Variants in SGCD observed in about 807,000 individuals in gnomAD.
SGCD encodes delta-sarcoglycan.
SGCD carries 18 observed loss-of-function variants against 36.6 expected under a neutral mutation model. The observed-to-expected ratio is 0.49, with a 90% CI of 0.34 to 0.73. SGCD has a LOEUF of 0.73. Ranked by LOEUF, SGCD falls within the 30% of genes least tolerant of loss-of-function variation. The pLI, the probability that SGCD is intolerant of heterozygous loss-of-function variation, is 0.01. For synonymous variants in SGCD, 133 were observed against 130.6 expected, an observed-to-expected ratio of 1.02 and a Z score of -0.12; for missense variants, 387 against 346.7, an observed-to-expected ratio of 1.12 and a Z score of -0.92.
rs908200890 is a variant in SGCD at position 156,116,364 on chromosome 5, G to A, written c.-281-1514G>A. ...TTTCTCTTATTATATATGTGGCCAA[G>A]CTCACAGACTATGCACTTATTTTTC... On this transcript the variant is annotated intron_variant, in intron 1 of 9. Transcript: ENST00000517913. Among the ~76,000 whole-genome samples the A allele has an allele frequency of 2.0e-5, 3 of 152,074 alleles. No individual in the cohort carries two copies. In the East Asian group the frequency reaches 5.8e-4, roughly 29 times the overall value.
intron 3 of SGCD, among the ~76,000 whole-genome samples, chr5:156,494,552 G>A (rs1449294677): frequency 6.6e-6 from 1 of 152,002 alleles, no homozygotes; most frequent in Non-Finnish European, 1.5e-5. Flanking sequence ...TTATTCTGAG[G>A]CATGAATTCA....
intron 4 of SGCD, among the ~76,000 whole-genome samples, chr5:156,520,620 G>A (rs1331296369): frequency 3.9e-5 from 6 of 152,022 alleles, no homozygotes; most frequent in South Asian, 2.1e-4. Context: ...GGCATCGTGC[G>A]ACCCAACTTC....
At chr5:155,931,550 C>T (rs1231517814) in intron 1 of SGCD, among the ~76,000 whole-genome samples, 4 of 151,898 alleles carry the variant, frequency 2.6e-5, no homozygotes, top group Admixed American at 6.6e-5. Flanking sequence ...TTTTTAAGTG[C>T]TTGGGGGCTA....
At chr5:156,538,400 T>G (rs1034836692) in intron 4 of SGCD, among the ~76,000 whole-genome samples, 4 of 152,098 alleles carry the variant, frequency 2.6e-5, no homozygotes, top group Non-Finnish European at 5.9e-5. Flanking sequence ...AGAATGATTT[T>G]TTTTCTCTCC....
chr5:155,780,887 A>C, the SGCD span, among the ~76,000 whole-genome samples: 1 of 152,282 alleles, frequency 6.6e-6, no homozygotes, highest in Middle Eastern at 3.4e-3. Context: ...GACATTATCA[A>C]AATGTCTCTC....
intron 3 of SGCD, among the ~76,000 whole-genome samples, chr5:156,165,096 G>T (rs1325687957): frequency 6.6e-6 from 1 of 152,204 alleles, no homozygotes; most frequent in Non-Finnish European, 1.5e-5. Flanking sequence ...CCTCACCAGG[G>T]AATATCTGCT....
intron 2 of SGCD, among the ~76,000 whole-genome samples, 167 bp downstream of exon 2, chr5:156,329,746 G>A (rs1471476874): frequency 6.6e-6 from 1 of 151,980 alleles, no homozygotes; most frequent in East Asian, 1.9e-4. Context: ...GGCCAGGCAC[G>A]GTGGCTCACG....
intron 4 of SGCD, among the ~76,000 whole-genome samples, chr5:156,545,031 C>A (rs2113167209): frequency 6.6e-6 from 1 of 152,250 alleles, no homozygotes; most frequent in East Asian, 1.9e-4. Context: ...ATGTCAGTTT[C>A]TTTGACTGTT....
At chr5:156,419,994 G>T (rs1561683300) in intron 3 of SGCD, among the ~76,000 whole-genome samples, 1 of 152,052 alleles carries the variant, frequency 6.6e-6, no homozygotes. Context: ...CTTGTGACAT[G>T]GCTCTGCCCC....
chr5:156,612,585 C>A (rs1426052075), intron 6 of SGCD, among the ~76,000 whole-genome samples: 1 of 152,244 alleles, frequency 6.6e-6, no homozygotes, highest in Admixed American at 6.5e-5. Context: ...CTATGCAGGT[C>A]TGCCTGTATG....
At chr5:156,230,315 C>A (rs1341238323) in intron 3 of SGCD, among the ~76,000 whole-genome samples, 1 of 152,148 alleles carries the variant, frequency 6.6e-6, no homozygotes, top group Admixed American at 6.5e-5. Flanking sequence ...TAGGCTCTGT[C>A]AGAGGAAAGG....
rs1431405986 is a variant in SGCD, at chr5:156,067,864, C to T, written c.-281-50014C>T. On this transcript the variant is annotated intron_variant, in intron 1 of 9. Transcript: ENST00000517913. ...CTGGCACTCCCTAGAGAGATGAACC[C>T]GGTACCTCAGATGGAAATGCAGAAA... Among the ~76,000 whole-genome samples, 5 of 142,004 alleles carry T rather than the reference C, an allele frequency of 3.5e-5. No homozygotes were observed. In the East Asian group the frequency reaches 6.0e-4, roughly 17 times the overall value. The allele number at this position is 142,004 out of a possible 152,430, so 93.2% of individuals were successfully genotyped here. A position where few individuals can be genotyped will look rare whatever the true frequency, so the allele number is the denominator to read the frequency against.
chr5:156,465,739 T>C (rs549672504), intron 3 of SGCD, among the ~76,000 whole-genome samples: 2 of 152,264 alleles, frequency 1.3e-5, no homozygotes, highest in Admixed American at 6.5e-5. Context: ...TCCAATTGAA[T>C]CAATTCAAAG....
the SGCD span, among the ~76,000 whole-genome samples, chr5:155,751,207 T>G: frequency 6.6e-6 from 1 of 152,160 alleles, no homozygotes; most frequent in Non-Finnish European, 1.5e-5. Context: ...GAGCATAGTT[T>G]TAGGGGCATG....
intron 3 of SGCD, among the ~76,000 whole-genome samples, chr5:156,496,365 A>G (rs1282345176): frequency 6.6e-6 from 1 of 152,110 alleles, no homozygotes; most frequent in African/African-American, 2.4e-5. Flanking sequence ...AATGTGTAGA[A>G]GTATACAGCA....
intron 7 of SGCD, among the ~76,000 whole-genome samples, chr5:156,746,608 A>G (rs866740936): frequency 1.3e-4 from 20 of 152,234 alleles, no homozygotes; most frequent in African/African-American, 4.3e-4. Context: ...CAACAAAAAC[A>G]TCAGTGCTGT....
intron 1 of SGCD, among the ~76,000 whole-genome samples, chr5:156,082,489 A>G (rs1760981221): frequency 6.6e-6 from 1 of 152,242 alleles, no homozygotes; most frequent in African/African-American, 2.4e-5. Context: ...ACAGTATTTA[A>G]TATTTTGTGA....
intron 3 of SGCD, among the ~76,000 whole-genome samples, chr5:156,139,322 G>C (rs1055087831): frequency 6.6e-6 from 1 of 151,560 alleles, no homozygotes; most frequent in African/African-American, 2.4e-5. Flanking sequence ...ATTTAGGGTA[G>C]CAGTCTATCT....
intron 4 of SGCD, among the ~76,000 whole-genome samples, chr5:156,547,994 C>T (rs1758648537): frequency 6.6e-6 from 1 of 152,160 alleles, no homozygotes; most frequent in South Asian, 2.1e-4. Flanking sequence ...CCTTTCTGGG[C>T]TTTGGGCCTG....
Sources: gnomAD v4.1 joint callset for allele counts (sites outside exome capture counted in the v4.1 genomes callset) on GRCh38, gnomAD v4.1.1 for gene constraint, MANE v1.5 for transcripts, NCBI Gene and HGNC (gene_info 2026-07-23, HGNC 2026-07-21) for gene names.